The following CNTN3 variants were observed in gnomAD, a reference collection of about 807,000 sequenced individuals.
CNTN3 encodes the protein contactin-3.
Under a neutral mutation model 119.1 loss-of-function variants are expected in CNTN3, and 60 were observed. The ratio of observed to expected loss-of-function variants is 0.50; its 90% CI spans 0.41 to 0.62. The LOEUF (loss-of-function observed/expected upper bound fraction) is 0.62. Among genes scored for constraint, CNTN3 ranks in the 20% least tolerant of loss-of-function variants. The pLI, the probability that CNTN3 is intolerant of heterozygous loss-of-function variation, is 0.00. For synonymous variants in CNTN3, 450 were observed against 438.7 expected, an observed-to-expected ratio of 1.03 and a Z score of -0.32; for missense variants, 1,101 against 1,242.4, an observed-to-expected ratio of 0.89 and a Z score of 1.71.
At chr3:74,435,171 G>A (rs780573748) in intron 4 of CNTN3, among the ~76,000 whole-genome samples, 6 of 152,026 alleles carry the variant, frequency 3.9e-5, no homozygotes, top group Admixed American at 1.3e-4. Flanking sequence ...TTACTGGAAC[G>A]ATTTAAATTA....
intron 1 of CNTN3, among the ~76,000 whole-genome samples, chr3:74,527,004 T>C (rs1454627837): frequency 2.0e-5 from 3 of 151,924 alleles, no homozygotes; most frequent in African/African-American, 4.8e-5. Context: ...ATAAGCTAAC[T>C]TGTGTGTACT....
chr3:74,362,592 G>T (rs750712838), intron 10 of CNTN3, among the ~76,000 whole-genome samples: 6 of 152,134 alleles, frequency 3.9e-5, no homozygotes, highest in Non-Finnish European at 8.8e-5. Flanking sequence ...AATATTGCAT[G>T]AAGTATAATA....
Position 74,272,424 on chromosome 3 carries a change from A to C in CNTN3, c.2705-5046T>G, listed in dbSNP as rs138076026. 2.7e-4 allele frequency among the ~76,000 whole-genome samples: 41 copies of C among 152,312 alleles called. 1 individual carries two copies. Among genetic ancestry groups the C allele is most frequent in the South Asian group, 6.2e-4 (3 of 4,828 alleles). ...TTTCCTGATTCTATATTAGCAGAAAATTCCTGTTTGAATACTGGTAAAGTT... is the reference window on the plus strand; with the variant it reads ...TTTCCTGATTCTATATTAGCAGAAACTTCCTGTTTGAATACTGGTAAAGTT... On this transcript the variant is annotated intron_variant, in intron 20 of 22. Transcript: ENST00000263665.
intron 4 of CNTN3, among the ~76,000 whole-genome samples, chr3:74,441,155 T>C (rs1701957301): frequency 6.6e-6 from 1 of 152,190 alleles, no homozygotes; most frequent in African/African-American, 2.4e-5. Context: ...TTGATAGTTT[T>C]CATGACATAG....
chr3:74,556,932 T>C (rs1157063481), intron 1 of CNTN3, among the ~76,000 whole-genome samples: 3 of 152,240 alleles, frequency 2.0e-5, no homozygotes, highest in African/African-American at 7.2e-5. Flanking sequence ...GCCATTTGTA[T>C]ATCTTCCTTG....
chr3:74,313,567 T>C (rs1326726038), intron 13 of CNTN3, among the ~76,000 whole-genome samples: 1 of 152,190 alleles, frequency 6.6e-6, no homozygotes, highest in Non-Finnish European at 1.5e-5. Flanking sequence ...AGGCAGTTGA[T>C]TAATAGAGAA....
At chr3:74,348,260 T>C (rs116808670) in intron 11 of CNTN3, among the ~76,000 whole-genome samples, 3,030 of 152,334 alleles carry the variant, frequency 0.02, 98 homozygotes, top group African/African-American at 0.069. Flanking sequence ...GATTGTGGTA[T>C]TGACTTCACA....
At chr3:74,444,465 T>C (rs549836424) in intron 4 of CNTN3, among the ~76,000 whole-genome samples, 54 of 152,310 alleles carry the variant, frequency 3.5e-4, no homozygotes, top group African/African-American at 1.1e-3. Context: ...CAGAAAGCTA[T>C]GGGAAAGGCT....
At chr3:74,439,266 G>T (rs1336776491) in intron 4 of CNTN3, among the ~76,000 whole-genome samples, 1 of 152,130 alleles carries the variant, frequency 6.6e-6, no homozygotes. Flanking sequence ...TAGCACTTTG[G>T]GAGGCCAAGG....
At chr3:74,489,659 C>G (rs1012491972) in intron 3 of CNTN3, among the ~76,000 whole-genome samples, 2 of 141,788 alleles carry the variant, frequency 1.4e-5, no homozygotes, top group African/African-American at 5.3e-5. Context: ...AGGCCTTAGT[C>G]ATGCCTTTCA....
chr3:74,274,682 A>T (rs1050323878), intron 20 of CNTN3, among the ~76,000 whole-genome samples: 1 of 152,176 alleles, frequency 6.6e-6, no homozygotes, highest in African/African-American at 2.4e-5. Flanking sequence ...CTTCCCTCTG[A>T]CAGAGCCTAC....
chr3:74,521,532 G>A (rs1040710428), intron 1 of CNTN3, among the ~76,000 whole-genome samples: 3 of 151,516 alleles, frequency 2.0e-5, no homozygotes, highest in Admixed American at 6.6e-5. Context: ...TTTCTCTAAC[G>A]ATAGCATTCT....
At chr3:74,375,511 A>G (rs927092312) in intron 5 of CNTN3, among the ~76,000 whole-genome samples, 4 of 152,096 alleles carry the variant, frequency 2.6e-5, no homozygotes, top group Non-Finnish European at 5.9e-5. Context: ...TAAGTTAAAG[A>G]TCATTTGAGG....
At chr3:74,584,370 T>A (rs1000922270) in intron 1 of CNTN3, among the ~76,000 whole-genome samples, 1 of 152,192 alleles carries the variant, frequency 6.6e-6, no homozygotes, top group Non-Finnish European at 1.5e-5. Flanking sequence ...TAAGATTTTA[T>A]CCCCAATGTA....
At chr3:74,548,940 T>C (rs550640816) in intron 1 of CNTN3, among the ~76,000 whole-genome samples, 2 of 152,338 alleles carry the variant, frequency 1.3e-5, no homozygotes, top group South Asian at 2.1e-4. Context: ...GGTAACTCTT[T>C]CACCCATTGA....
intron 1 of CNTN3, among the ~76,000 whole-genome samples, chr3:74,547,229 T>C (rs2107155151): frequency 6.6e-6 from 1 of 152,352 alleles, no homozygotes; most frequent in South Asian, 2.1e-4. Context: ...CTACAGCAAC[T>C]TGCTATTCTT....
At chr3:74,405,682 T>C (rs9837871) in intron 5 of CNTN3, among the ~76,000 whole-genome samples, 165 of 152,210 alleles carry the variant, frequency 1.1e-3, no homozygotes, top group African/African-American at 3.3e-3. Flanking sequence ...ATTAAAATTG[T>C]AATGTTTTCC....
chr3:74,320,141 C>A (rs544549697), intron 13 of CNTN3, among the ~76,000 whole-genome samples: 84 of 152,226 alleles, frequency 5.5e-4, no homozygotes, highest in Admixed American at 1.4e-3. Context: ...CTAGAAATAC[C>A]ATTTGACCCA....
At chr3:74,447,074 T>C (rs926233287) in intron 4 of CNTN3, among the ~76,000 whole-genome samples, 2 of 152,168 alleles carry the variant, frequency 1.3e-5, no homozygotes, top group African/African-American at 4.8e-5. Flanking sequence ...TTCAATGTGG[T>C]AAATGAGGAG....
Sources: allele counts gnomAD v4.1 joint callset (sites outside exome capture counted in the v4.1 genomes callset), GRCh38; gene constraint gnomAD v4.1.1; transcripts MANE v1.5; gene names NCBI Gene and HGNC (gene_info 2026-07-23, HGNC 2026-07-21).